The following FAM114A2 variants were observed in gnomAD, a reference collection of about 807,000 sequenced individuals.
FAM114A2 encodes the protein protein FAM114A2.
In FAM114A2, 53 loss-of-function variants were observed where a neutral mutation model predicts 58.4. The observed-to-expected ratio is 0.91, with a 90% CI of 0.73 to 1.14. The LOEUF (loss-of-function observed/expected upper bound fraction) is 1.14, where lower values mean the gene tolerates loss of function less well. Among genes scored for constraint, FAM114A2 ranks in the 50% most tolerant of loss-of-function variants. The pLI is 0.00. For synonymous variants in FAM114A2, 228 were observed against 211.4 expected, an observed-to-expected ratio of 1.08 and a Z score of -0.68; for missense variants, 601 against 581.1, an observed-to-expected ratio of 1.03 and a Z score of -0.35.
intron 2 of FAM114A2, 22 bp from the exon 3 acceptor site, chr5:154,034,399 AAAC>A: frequency 7.0e-7 from 1 of 1,437,722 alleles, no homozygotes; most frequent in Non-Finnish European, 9.5e-7. Flanking sequence ...GTAGGCAGAA[AAAC>A]AAAAGGCAAA....
chr5:154,006,796 AT>A (rs11318237), intron 9 of FAM114A2, among the ~76,000 whole-genome samples: 73,548 of 129,664 alleles, frequency 0.57, 20,230 homozygotes, highest in East Asian at 0.83. Flanking sequence ...CCCAAAGGAG[AT>A]TTTTTTTTTT....
intron 8 of FAM114A2, among the ~76,000 whole-genome samples, chr5:154,026,092 G>A (rs765586862): frequency 2.0e-5 from 3 of 152,170 alleles, no homozygotes; most frequent in Non-Finnish European, 4.4e-5. Context: ...GCAAGAATCT[G>A]ATGAGAACAG....
At chr5:154,027,550 G>A (rs1052271377) in intron 6 of FAM114A2, 2 of 395,486 alleles carry the variant, frequency 5.1e-6, no homozygotes, top group African/African-American at 2.1e-5. Flanking sequence ...ACCCAGGCTG[G>A]AGTGCAGTGG....
At chr5:153,993,906 C>T (rs1227467594) in intron 13 of FAM114A2, among the ~76,000 whole-genome samples, 3 of 152,124 alleles carry the variant, frequency 2.0e-5, no homozygotes, top group African/African-American at 7.2e-5. Flanking sequence ...CAATTTCCCA[C>T]ACAAAAGGGA....
At chr5:154,000,884 T>C (rs1044722409) in intron 11 of FAM114A2, among the ~76,000 whole-genome samples, 22 of 152,250 alleles carry the variant, frequency 1.4e-4, no homozygotes, top group African/African-American at 5.3e-4. Context: ...TAATTAATTC[T>C]CAGTTCTTAA....
In FAM114A2 at chr5:154,029,544, G is replaced by A; in HGVS notation, c.440C>T (p.Pro147Leu). The A allele has an allele frequency of 6.2e-7, 1 of 1,610,620 alleles. No individual in the cohort carries two copies. The highest frequency in any genetic ancestry group is 8.5e-7 in the Non-Finnish European group (1 of 1,177,242). Residue 147 changes from proline to leucine, a missense_variant, in exon 5 of 14, where the codon CCA becomes CTA. Pro to Leu is a moderately conservative substitution (Grantham distance 98). Coordinates refer to ENST00000351797, the MANE Select transcript of FAM114A2 (RefSeq NM_018691.4). ...TNAKENENSSPVAGAFGVFST... is the reference protein window; with the variant it reads ...TNAKENENSSLVAGAFGVFST... ...GAATACACCAAATGCCCCAGCCACT[G>A]GGGAGGAGTTTTCATTCTCTTTGGC...
rs77695021 is a variant in FAM114A2 at position 154,027,257 on chromosome 5, A to C, written c.708T>G (p.His236Gln). Reference sequence around the variant, plus strand: ...GAAATTCATCAAAGAGTAGCCCATAATGAGTTTTCTTGTCTGTTTCCACGG... The same window carrying C: ...GAAATTCATCAAAGAGTAGCCCATACTGAGTTTTCTTGTCTGTTTCCACGG... ...EVTVETDKKT[H>Q]YGLLFDEFQG... The change falls in exon 7 of 14, where the codon CAT becomes CAG. Residue 236 changes from histidine to glutamine, a missense_variant. By Grantham distance (24) the His-to-Gln change is conservative. Coordinates refer to ENST00000351797, the MANE Select transcript of FAM114A2 (RefSeq NM_018691.4). The C allele has an allele frequency of 6.2e-7, 1 of 1,613,580 alleles. No homozygotes were observed. Among genetic ancestry groups the C allele is most frequent in the African/African-American group, 1.3e-5 (1 of 74,978 alleles).
At chr5:154,002,778 T>C (rs960701369) in intron 10 of FAM114A2, 69 bp downstream of exon 10, 2 of 1,536,724 alleles carry the variant, frequency 1.3e-6, no homozygotes, top group Admixed American at 1.7e-5. Flanking sequence ...AATAGGAGCC[T>C]GGGTCCCTGA....
rs555133144 is a variant in FAM114A2 at position 154,014,041 on chromosome 5, T to C, written c.914-2721A>G. ...GCTTAGTAAATGGCAGATCTTGATTTTGAATCCAAGTCTAATTCCAAAACC... is the reference window on the plus strand; with the variant it reads ...GCTTAGTAAATGGCAGATCTTGATTCTGAATCCAAGTCTAATTCCAAAACC... On this transcript the variant is annotated intron_variant, in intron 8 of 13. Coordinates refer to ENST00000351797, the MANE Select transcript of FAM114A2 (RefSeq NM_018691.4). 8.5e-5 allele frequency among the ~76,000 whole-genome samples: 13 copies of C among 152,342 alleles called. No individual in the cohort carries two copies. In the East Asian group the frequency reaches 2.5e-3, roughly 29 times the overall value.
At chr5:154,033,436 CACA>C (rs570224806) in intron 4 of FAM114A2, among the ~76,000 whole-genome samples, 322 of 152,296 alleles carry the variant, frequency 2.1e-3, no homozygotes, top group African/African-American at 7.4e-3. Context: ...TTTATCATGT[CACA>C]ACAGACTCAG....
chr5:154,021,223 T>G (rs1312008856), intron 8 of FAM114A2, among the ~76,000 whole-genome samples: 1 of 152,206 alleles, frequency 6.6e-6, no homozygotes, highest in Non-Finnish European at 1.5e-5. Context: ...AGCATTCCCT[T>G]TGAAAACTGG....
At chr5:154,000,965 T>TA (rs1246874614) in intron 11 of FAM114A2, among the ~76,000 whole-genome samples, 1 of 152,188 alleles carries the variant, frequency 6.6e-6, no homozygotes, top group Non-Finnish European at 1.5e-5. Context: ...CTAAGGGATT[T>TA]ACATGTATCA....
At chr5:153,998,507 G>A (rs570857503) in intron 11 of FAM114A2, among the ~76,000 whole-genome samples, 4 of 152,270 alleles carry the variant, frequency 2.6e-5, no homozygotes, top group African/African-American at 4.8e-5. Context: ...CAGAGAACAC[G>A]TAGTTATAAA....
chr5:154,028,401 G>T (rs1771951398), intron 5 of FAM114A2, 118 bp from the exon 6 acceptor site: 1 of 674,256 alleles, frequency 1.5e-6, no homozygotes, highest in Non-Finnish European at 2.4e-6. Context: ...TGGCAAGAAT[G>T]TAAAGCAAAT....
At chr5:154,003,028 C>G in intron 9 of FAM114A2, 59 bp from the exon 10 acceptor site, 1 of 1,517,184 alleles carries the variant, frequency 6.6e-7, no homozygotes, top group East Asian at 2.3e-5. Context: ...AATTACTGTG[C>G]ACCTACCAGG....
At chr5:154,027,724 C>T (rs1198724907) in intron 6 of FAM114A2, among the ~76,000 whole-genome samples, 1 of 152,154 alleles carries the variant, frequency 6.6e-6, no homozygotes, top group East Asian at 1.9e-4. Flanking sequence ...TGATCTTGTA[C>T]TCCTGACCTC....
In FAM114A2 at chr5:153,991,199, G is replaced by A. The variant is rs1274947113; in HGVS notation, c.*1777C>T. ...ATTCAGGGCTGAAATCTGAATAGGT[G>A]TATAAAAAGAGTTGTTACTCTCTCC... On this transcript the variant is annotated 3_prime_UTR_variant, in exon 14 of 14. Coordinates refer to ENST00000351797, the MANE Select transcript of FAM114A2 (RefSeq NM_018691.4). The A allele has an allele frequency of 2.0e-5, 3 of 152,158 alleles. No individual in the cohort carries two copies. Among genetic ancestry groups the A allele is most frequent in the Non-Finnish European group, 4.4e-5 (3 of 68,034 alleles). The allele number at this position is 152,158 out of a possible 1,614,324, so 9.4% of individuals were successfully genotyped here. A position where few individuals can be genotyped will look rare whatever the true frequency, so the allele number is the denominator to read the frequency against.
chr5:154,001,324 C>CT (rs1343784949), intron 11 of FAM114A2, among the ~76,000 whole-genome samples: 2 of 152,108 alleles, frequency 1.3e-5, no homozygotes, highest in African/African-American at 4.8e-5. Flanking sequence ...TGAAGGAAGG[C>CT]TTTTCTAAAA....
At chr5:153,993,167 A>G (rs1160427095) in intron 13 of FAM114A2, 57 bp from the exon 14 acceptor site, 20 of 1,457,350 alleles carry the variant, frequency 1.4e-5, no homozygotes, top group Non-Finnish European at 1.8e-5. Context: ...AAGAGAAGAT[A>G]TACTGTAAGG....
Sources: allele counts gnomAD v4.1 joint callset (sites outside exome capture counted in the v4.1 genomes callset), GRCh38; gene constraint gnomAD v4.1.1; transcripts MANE v1.5; gene names NCBI Gene and HGNC (gene_info 2026-07-23, HGNC 2026-07-21).